The following UNC13C variants were observed in gnomAD, a reference collection of about 807,000 sequenced individuals.
UNC13C encodes the protein protein unc-13 homolog C.
UNC13C carries 174 observed loss-of-function variants against 245.4 expected under a neutral mutation model. The ratio of observed to expected loss-of-function variants is 0.71; its 90% CI spans 0.63 to 0.80. The LOEUF is 0.80. Among genes scored for constraint, UNC13C ranks in the 30% least tolerant of loss-of-function variants. The probability of loss-of-function intolerance (pLI) is 0.00; values close to 1 mark genes in which losing one functional copy is unlikely to be tolerated. For synonymous variants in UNC13C, 992 were observed against 895.1 expected (o/e 1.11, Z -1.93); for missense variants, 2,829 against 2,602.9 (o/e 1.09, Z -1.89).
intron 17 of UNC13C, among the ~76,000 whole-genome samples, chr15:54,347,484 A>C (rs2038884453): frequency 6.6e-6 from 1 of 152,202 alleles, no homozygotes; most frequent in Admixed American, 6.5e-5. Context: ...CCTTAACTAA[A>C]ACACATGTAC....
the UNC13C span, among the ~76,000 whole-genome samples, chr15:53,943,452 A>C: frequency 6.6e-6 from 1 of 152,226 alleles, no homozygotes. Context: ...ACAGCAACAC[A>C]ATAAAAACAA....
intron 2 of UNC13C, among the ~76,000 whole-genome samples, chr15:54,131,511 C>G (rs1446594578): frequency 6.6e-6 from 1 of 152,212 alleles, no homozygotes; most frequent in East Asian, 1.9e-4. Flanking sequence ...TGTATCCCTT[C>G]TGAGATAGGT....
chr15:54,114,999 C>A (rs1189472448), intron 2 of UNC13C, among the ~76,000 whole-genome samples: 1 of 152,006 alleles, frequency 6.6e-6, no homozygotes, highest in Non-Finnish European at 1.5e-5. Context: ...AATGCATTCC[C>A]CACTTTTCTA....
At chr15:54,105,677 A>C (rs1281766868) in intron 2 of UNC13C, among the ~76,000 whole-genome samples, 1 of 152,244 alleles carries the variant, frequency 6.6e-6, no homozygotes, top group African/African-American at 2.4e-5. Context: ...ATAGAGACAG[A>C]AAAACTACAC....
chr15:54,614,144 A>G (rs543979728), intron 30 of UNC13C, among the ~76,000 whole-genome samples: 1 of 151,936 alleles, frequency 6.6e-6, no homozygotes, highest in Non-Finnish European at 1.5e-5. Context: ...ACTCAGGTCA[A>G]TTGACTTATT....
chr15:54,333,738 C>G, intron 15 of UNC13C, 29 bp from the exon 16 acceptor site: 2 of 1,493,452 alleles, frequency 1.3e-6, no homozygotes, highest in Non-Finnish European at 1.8e-6. Flanking sequence ...TGCTGACAAC[C>G]TTATCCATTT....
chr15:54,555,720 CA>C (rs1316971407), intron 29 of UNC13C, among the ~76,000 whole-genome samples: 1 of 151,960 alleles, frequency 6.6e-6, no homozygotes, highest in Non-Finnish European at 1.5e-5. Flanking sequence ...TGGAGGATGC[CA>C]GATTTACCCC....
chr15:54,003,830 G>T (rs1412642381), intron 1 of UNC13C, among the ~76,000 whole-genome samples: 1 of 152,120 alleles, frequency 6.6e-6, no homozygotes, highest in Non-Finnish European at 1.5e-5. Context: ...GGCTAACATG[G>T]TGAAACCCTG....
intron 2 of UNC13C, among the ~76,000 whole-genome samples, chr15:54,031,280 G>C (rs2141018285): frequency 6.6e-6 from 1 of 152,342 alleles, no homozygotes; most frequent in African/African-American, 2.4e-5. Flanking sequence ...CTGGAGTGCA[G>C]TGGCACGATC....
chr15:54,342,572 A>C (rs1342013926), intron 17 of UNC13C, among the ~76,000 whole-genome samples: 1 of 152,108 alleles, frequency 6.6e-6, no homozygotes, highest in Non-Finnish European at 1.5e-5. Context: ...ATTTAAAAAA[A>C]AAAAATGTGT....
At chr15:54,122,618 C>T (rs2030747361) in intron 2 of UNC13C, among the ~76,000 whole-genome samples, 2 of 152,004 alleles carry the variant, frequency 1.3e-5, no homozygotes, top group Admixed American at 6.6e-5. Context: ...AATGTTCTGT[C>T]ATGCCCCCTT....
intron 1 of UNC13C, among the ~76,000 whole-genome samples, chr15:53,981,993 C>G (rs1302971888): frequency 2.0e-5 from 3 of 151,928 alleles, no homozygotes; most frequent in African/African-American, 7.3e-5. Flanking sequence ...ATTATTCTTC[C>G]TATGTAAACA....
intron 2 of UNC13C, among the ~76,000 whole-genome samples, chr15:54,092,837 T>C (rs1385484511): frequency 6.6e-6 from 1 of 152,164 alleles, no homozygotes; most frequent in Non-Finnish European, 1.5e-5. Flanking sequence ...TATTACCTCA[T>C]TGGCCACCTC....
intron 19 of UNC13C, among the ~76,000 whole-genome samples, chr15:54,490,371 T>C (rs1893641407): frequency 6.6e-6 from 1 of 152,146 alleles, no homozygotes; most frequent in Non-Finnish European, 1.5e-5. Flanking sequence ...GTGGCTGCAG[T>C]AAAGTAGACA....
chr15:54,613,701 T>C (rs1596678127), intron 30 of UNC13C, among the ~76,000 whole-genome samples: 1 of 152,042 alleles, frequency 6.6e-6, no homozygotes, highest in Non-Finnish European at 1.5e-5. Flanking sequence ...AATAGAGATA[T>C]AAATCATGAT....
chr15:54,154,282 G>A (rs1413523449), intron 4 of UNC13C, among the ~76,000 whole-genome samples: 2 of 149,222 alleles, frequency 1.3e-5, no homozygotes, highest in African/African-American at 2.6e-5. Context: ...ATTGCTTTGG[G>A]TAATATGGAC....
At chr15:53,918,749 C>G in the UNC13C span, among the ~76,000 whole-genome samples, 1 of 152,212 alleles carries the variant, frequency 6.6e-6, no homozygotes, top group Admixed American at 6.5e-5. Context: ...GATTCTGAAG[C>G]CGGATGCTTC....
intron 29 of UNC13C, among the ~76,000 whole-genome samples, 168 bp from the exon 30 acceptor site, chr15:54,567,632 C>G (rs1897571039): frequency 6.6e-6 from 1 of 152,102 alleles, no homozygotes; most frequent in South Asian, 2.1e-4. Context: ...GTCTAGGGAC[C>G]TGAATTAGAC....
intron 19 of UNC13C, among the ~76,000 whole-genome samples, chr15:54,486,395 C>T (rs553774463): frequency 2.0e-5 from 3 of 149,828 alleles, no homozygotes; most frequent in East Asian, 2.0e-4. Context: ...GCCAAGATCA[C>T]GCCACTGCAC....
Sources: gnomAD v4.1 joint callset for allele counts (sites outside exome capture counted in the v4.1 genomes callset) on GRCh38, gnomAD v4.1.1 for gene constraint, MANE v1.5 for transcripts, NCBI Gene and HGNC (gene_info 2026-07-23, HGNC 2026-07-21) for gene names.